Variants in SETX observed in about 807,000 individuals in gnomAD.
The protein encoded by SETX is senataxin, also known as helicase senataxin.
Under a neutral mutation model 227.2 loss-of-function variants are expected in SETX, and 90 were observed. The ratio of observed to expected loss-of-function variants is 0.40; its 90% CI spans 0.33 to 0.47. The LOEUF is 0.47. SETX is among the 20% of genes least tolerant of loss of function. The pLI is 0.91. For missense variants in SETX, 3,052 were observed against 3,181.5 expected (o/e 0.96, Z 0.98); for synonymous variants, 1,210 against 1,113.2 (o/e 1.09, Z -1.73).
chr9:132,302,532 C>T (rs1420282015), intron 11 of SETX, among the ~76,000 whole-genome samples: 26 of 150,856 alleles, frequency 1.7e-4, no homozygotes, highest in African/African-American at 4.6e-4. Flanking sequence ...TCGTGGCAGG[C>T]GCCTGTAATC....
At chr9:132,303,338 G>T (rs941362892) in intron 11 of SETX, among the ~76,000 whole-genome samples, 7 of 39,838 alleles carry the variant, frequency 1.8e-4, no homozygotes, top group African/African-American at 7.5e-4. Context: ...CTTTAAAAAA[G>T]CAAAAAAAAA....
At chr9:132,280,706 G>A (rs759055757) in intron 20 of SETX, among the ~76,000 whole-genome samples, 5 of 152,132 alleles carry the variant, frequency 3.3e-5, no homozygotes, top group Non-Finnish European at 5.9e-5. Context: ...TCAATTATCT[G>A]TATAAATAAT....
In SETX at chr9:132,328,768, G is replaced by C. The variant is rs746526319; in HGVS notation, c.2830C>G (p.Pro944Ala). The change falls in exon 10 of 26, where the codon CCT becomes GCT. Residue 944 changes from proline to alanine, a missense_variant. Physicochemically the swap from Pro to Ala is conservative, Grantham distance 27 (BLOSUM62 -1). Transcript: ENST00000224140. ...IYSNLTREQA[P>A]DISPKSDTLT... ...GTGTCAGATTTAGGACTGATGTCAG[G>C]GGCCTGTTCTCTTGTCAAGTTAGAA... 5 of 1,610,668 alleles carry C rather than the reference G, an allele frequency of 3.1e-6. No individual in the cohort carries two copies. In the Admixed American group the frequency reaches 8.4e-5, roughly 27 times the overall value.
At chr9:132,282,227 A>G (rs1843572747) in intron 19 of SETX, among the ~76,000 whole-genome samples, 1 of 151,454 alleles carries the variant, frequency 6.6e-6, no homozygotes, top group African/African-American at 2.4e-5. Flanking sequence ...GCTGGGCATG[A>G]GCCTGAAAAA....
At chr9:132,293,772 C>G (rs1378530463) in intron 15 of SETX, among the ~76,000 whole-genome samples, 2 of 152,074 alleles carry the variant, frequency 1.3e-5, no homozygotes, top group Non-Finnish European at 2.9e-5. Flanking sequence ...CCTGTAACCC[C>G]AGCACTTTGG....
chr9:132,265,062 T>A, intron 25 of SETX, 77 bp from the exon 26 acceptor site: 4 of 1,527,370 alleles, frequency 2.6e-6, no homozygotes, highest in Non-Finnish European at 3.6e-6. Flanking sequence ...CCAGCTTTCA[T>A]TTCTGAACAA....
chr9:132,320,449 G>A (rs550556721), intron 10 of SETX, among the ~76,000 whole-genome samples: 42 of 151,902 alleles, frequency 2.8e-4, no homozygotes, highest in African/African-American at 4.8e-4. Context: ...ACGTGGTGCC[G>A]GACGCCTGAT....
intron 15 of SETX, among the ~76,000 whole-genome samples, chr9:132,292,847 C>T (rs1473834362): frequency 2.0e-5 from 3 of 152,058 alleles, no homozygotes; most frequent in Non-Finnish European, 2.9e-5. Context: ...CCGTGTTAGC[C>T]AGGATGGTTT....
intron 10 of SETX, among the ~76,000 whole-genome samples, chr9:132,319,972 T>C (rs1846218481): frequency 1.3e-5 from 2 of 152,170 alleles, no homozygotes; most frequent in South Asian, 4.1e-4. Context: ...AGAAAGCATA[T>C]CTAAGTTTTA....
rs1842469730 is a variant in SETX at position 132,262,976 on chromosome 9, A to ACCC, written c.*1260_*1262dup. 6.6e-6 allele frequency: 1 copy of ACCC among 151,992 alleles called. No individual in the cohort carries two copies. Among genetic ancestry groups the ACCC allele is most frequent in the African/African-American group, 2.4e-5 (1 of 41,362 alleles). The allele number at this position is 151,992 out of a possible 1,614,324, so 9.4% of individuals were successfully genotyped here. ...AAAACTGGACAAAATCAGGCAGCCC[A>ACCC]CCCCTCCCTTGTCCCGAGCTTCCTC... On this transcript the variant is annotated 3_prime_UTR_variant, in exon 26 of 26. Coordinates refer to ENST00000224140, the MANE Select transcript of SETX (RefSeq NM_015046.7).
At chr9:132,325,986 T>C (rs1846721766) in intron 10 of SETX, among the ~76,000 whole-genome samples, 1 of 150,206 alleles carries the variant, frequency 6.7e-6, no homozygotes, top group Non-Finnish European at 1.5e-5. Context: ...TCTAAAACAG[T>C]GGCTGGCACA....
In SETX at chr9:132,263,840, G is replaced by A; in HGVS notation, c.*399C>T. ...TTTTTGGTAATATAAAGTTTGTTCT[G>A]TTGAAAACTGATTAACATTTTAAAC... On this transcript the variant is annotated 3_prime_UTR_variant, in exon 26 of 26. Coordinates refer to ENST00000224140, the MANE Select transcript of SETX (RefSeq NM_015046.7). 5.1e-6 allele frequency: 1 copy of A among 197,876 alleles called. No homozygotes were observed. The highest frequency in any genetic ancestry group is 8.0e-5 in the South Asian group (1 of 12,540). 12.3% of individuals were successfully genotyped at this position (197,876 alleles called of 1,614,324 possible).
chr9:132,289,880 T>C (rs1198425938), intron 15 of SETX, among the ~76,000 whole-genome samples: 4 of 152,242 alleles, frequency 2.6e-5, no homozygotes, highest in Non-Finnish European at 5.9e-5. Context: ...TTTGTTTTTT[T>C]CTTTTATTAT....
At position 132,264,624 on chromosome 9, in the gene SETX, T is replaced by C; in HGVS notation, c.7649A>G (p.Lys2550Arg). ...TGGATCCCAAAGGAATATTCCTCCT[T>C]TGACCTCAATGCCCATCCTCTTCAG... is the stretch of plus-strand genomic sequence containing the variant. ...RLLKRMGIEV[K>R]GGIFLWDPQP... Residue 2550 changes from lysine (K) to arginine (R), a missense_variant, in exon 26 of 26, where the codon AAA becomes AGA. Physicochemically the swap from Lys to Arg is conservative, Grantham distance 26. This residue lies in a region of SETX where 294 missense variants were observed against 278.8 expected (regional missense o/e 1.05). Coordinates refer to ENST00000224140, the MANE Select transcript of SETX (RefSeq NM_015046.7). The C allele has an allele frequency of 1.2e-6, 2 of 1,614,212 alleles. No individual in the cohort carries two copies. The highest frequency in any genetic ancestry group is 1.1e-5 in the South Asian group (1 of 91,092).
intron 5 of SETX, among the ~76,000 whole-genome samples, chr9:132,341,147 G>C (rs2131531928): frequency 6.6e-6 from 1 of 152,268 alleles, no homozygotes; most frequent in Middle Eastern, 3.4e-3. Context: ...AGGAGTTTGA[G>C]ACCAGCCTGG....
rs371541705 is a variant in SETX at position 132,327,307 on chromosome 9, G to C, written c.4291C>G (p.Pro1431Ala). ...PETIKAKHGSPATDDACPLNQ... is the reference protein window; with the variant it reads ...PETIKAKHGSAATDDACPLNQ... The stretch of plus-strand genomic sequence containing the variant: ...AAAGGGCAAGCATCATCAGTTGCTG[G>C]AGACCCATGTTTTGCTTTTATGGTT... Residue 1431 changes from proline to alanine, a missense_variant, in exon 10 of 26, where the codon CCA (proline) becomes GCA (alanine). Physicochemically the swap from Pro to Ala is conservative, Grantham distance 27. Transcript: ENST00000224140. 5.8e-5 allele frequency: 93 copies of C among 1,614,048 alleles called. No homozygotes were observed. The highest frequency in any genetic ancestry group is 7.7e-5 in the Non-Finnish European group (91 of 1,180,030).
intron 4 of SETX, 52 bp from the exon 5 acceptor site, chr9:132,342,851 T>C (rs762175675): frequency 3.7e-6 from 5 of 1,342,052 alleles, no homozygotes; most frequent in Non-Finnish European, 5.3e-6. Flanking sequence ...CTTATCAAGA[T>C]TCCCTAAATT....
intron 25 of SETX, 33 bp downstream of exon 25, chr9:132,269,582 A>G (rs770789687): frequency 6.2e-6 from 10 of 1,612,838 alleles, no homozygotes; most frequent in Non-Finnish European, 8.5e-6. Flanking sequence ...CAACAGTAAC[A>G]ATGGGTAAAC....
intron 11 of SETX, among the ~76,000 whole-genome samples, chr9:132,305,078 A>ATG (rs1845247427): frequency 6.6e-6 from 1 of 151,878 alleles, no homozygotes; most frequent in Non-Finnish European, 1.5e-5. Context: ...GGCCAGGCGC[A>ATG]GTGGCTCACG....
Sources: gnomAD v4.1 joint callset for allele counts (sites outside exome capture counted in the v4.1 genomes callset) on GRCh38, gnomAD v4.1.1 for gene constraint, gnomAD v4.1.1 regional missense constraint, MANE v1.5 for transcripts, NCBI Gene and HGNC (gene_info 2026-07-23, HGNC 2026-07-21) for gene names.